The following TAF4B variants were observed in gnomAD, a reference collection of about 807,000 sequenced individuals.
The protein encoded by TAF4B is TATA-box binding protein associated factor 4b, also known as transcription initiation factor TFIID subunit 4B.
Under a neutral mutation model 86.4 loss-of-function variants are expected in TAF4B, and 38 were observed. The observed-to-expected ratio is 0.44, with a 90% CI of 0.34 to 0.58. The LOEUF is 0.58. Among genes scored for constraint, TAF4B ranks in the 20% least tolerant of loss-of-function variants. The probability of loss-of-function intolerance (pLI) is 0.02; values close to 1 mark genes in which losing one functional copy is unlikely to be tolerated. For missense variants in TAF4B, 988 were observed against 1,027.6 expected (o/e 0.96, Z 0.53); for synonymous variants, 388 against 391.2 (o/e 0.99, Z 0.10).
intron 12 of TAF4B, among the ~76,000 whole-genome samples, chr18:26,330,089 C>A (rs151166573): frequency 1.3e-5 from 2 of 152,166 alleles, no homozygotes; most frequent in Non-Finnish European, 2.9e-5. Context: ...TCCAATTCCT[C>A]ATCAAACCTC....
chr18:26,319,268 G>A (rs1257916973), intron 10 of TAF4B, among the ~76,000 whole-genome samples: 2 of 151,942 alleles, frequency 1.3e-5, no homozygotes, highest in Non-Finnish European at 2.9e-5. Flanking sequence ...GAGGCGGGCA[G>A]ATCACTTGAG....
In TAF4B at chr18:26,243,065, C is replaced by G. The variant is rs901773950; in HGVS notation, c.343+15789C>G. Among the ~76,000 whole-genome samples the G allele has an allele frequency of 7.9e-5, 12 of 152,050 alleles. 1 individual carries two copies. The highest frequency in any genetic ancestry group is 2.2e-4 in the African/African-American group (9 of 41,404). The stretch of plus-strand genomic sequence containing the variant: ...GTGAATCTGACAATTATGTGTCTTG[C>G]AGTTGCTCTTCTCGAGGAGTATCTT... On this transcript the variant is annotated intron_variant, in intron 1 of 14. Coordinates refer to ENST00000269142, the MANE Select transcript of TAF4B (RefSeq NM_005640.3).
At chr18:26,228,394 GA>G (rs2055612069) in intron 1 of TAF4B, among the ~76,000 whole-genome samples, 1 of 152,154 alleles carries the variant, frequency 6.6e-6, no homozygotes, top group African/African-American at 2.4e-5. Flanking sequence ...CACTTTTTAT[GA>G]AGTTCTGTTT....
intron 9 of TAF4B, chr18:26,304,774 C>T (rs2056777434): frequency 2.0e-6 from 2 of 985,202 alleles, no homozygotes; most frequent in Admixed American, 6.1e-5. Context: ...TTAACAGGTC[C>T]TGTGAACCAA....
intron 1 of TAF4B, among the ~76,000 whole-genome samples, chr18:26,244,072 C>T (rs1004973582): frequency 5.3e-5 from 8 of 152,204 alleles, no homozygotes; most frequent in East Asian, 3.9e-4. Flanking sequence ...TCTCAAACTC[C>T]GTGCTGGGAG....
chr18:26,254,785 C>T (rs1047184448), intron 1 of TAF4B, among the ~76,000 whole-genome samples: 7 of 152,112 alleles, frequency 4.6e-5, no homozygotes, highest in African/African-American at 1.2e-4. Context: ...AAATTAAAAT[C>T]TTTATCAAAT....
At chr18:26,369,841 C>G (rs1386949935) in intron 14 of TAF4B, among the ~76,000 whole-genome samples, 2 of 152,192 alleles carry the variant, frequency 1.3e-5, no homozygotes, top group African/African-American at 2.4e-5. Flanking sequence ...TAATACAGGG[C>G]TTTATACCAT....
chr18:26,302,680 G>C (rs1021446413), intron 9 of TAF4B, among the ~76,000 whole-genome samples: 1 of 151,770 alleles, frequency 6.6e-6, no homozygotes, highest in African/African-American at 2.4e-5. Context: ...ATATCTTTTT[G>C]TCTTCAGGAG....
intron 6 of TAF4B, among the ~76,000 whole-genome samples, chr18:26,284,335 T>C (rs1054611970): frequency 6.6e-6 from 1 of 152,230 alleles, no homozygotes; most frequent in Non-Finnish European, 1.5e-5. Flanking sequence ...TCAAACTTTC[T>C]CCATGTCAAC....
intron 13 of TAF4B, chr18:26,348,915 T>C (rs2057222145): frequency 6.6e-6 from 1 of 152,308 alleles, no homozygotes; most frequent in South Asian, 2.1e-4. Context: ...TAAGCATTAA[T>C]CTACCTCAGA....
In TAF4B at chr18:26,327,152, T is replaced by C. The variant is rs770353750; in HGVS notation, c.2259+12T>C. ...TTAAGGCAGCCAAGGTAAGGGCCAG[T>C]GTGATTTATGAGTGAATGTGGCCTG... is the stretch of plus-strand genomic sequence containing the variant. On this transcript the variant is annotated intron_variant, in intron 12 of 14. Coordinates refer to ENST00000269142, the MANE Select transcript of TAF4B (RefSeq NM_005640.3). 29 of 1,608,162 alleles carry C rather than the reference T, an allele frequency of 1.8e-5. No individual in the cohort carries two copies. The highest frequency in any genetic ancestry group is 2.2e-5 in the Non-Finnish European group (26 of 1,179,008).
At chr18:26,255,603 C>A (rs1405404739) in intron 1 of TAF4B, 79 of 486,134 alleles carry the variant, frequency 1.6e-4, no homozygotes, top group African/African-American at 7.2e-4. Flanking sequence ...ACTCTGTCTC[C>A]AAAAAAAAAA....
In TAF4B at chr18:26,286,336, G is replaced by A; in HGVS notation, c.1427G>A (p.Gly476Asp). ...GCAGTAACTTTTGGAGAAACTTCAG[G>A]TGCAGCTATTTGTCTTCCATCTGTG... ...LPAVTFGETS[G>D]AAICLPSVKP... Residue 476 changes from glycine (G) to aspartate (D), a missense_variant, in exon 7 of 15, where the codon GGT becomes GAT. Gly to Asp is a moderately conservative substitution (Grantham distance 94, BLOSUM62 -1). Coordinates refer to ENST00000269142, the MANE Select transcript of TAF4B (RefSeq NM_005640.3). 6.2e-7 allele frequency: 1 copy of A among 1,614,172 alleles called. No homozygotes were observed. The highest frequency in any genetic ancestry group is 8.5e-7 in the Non-Finnish European group (1 of 1,180,028).
In TAF4B at chr18:26,335,178, C is replaced by T. The variant is rs1458691093; in HGVS notation, c.2263C>T (p.Arg755Cys). The T allele has an allele frequency of 5.6e-6, 9 of 1,610,924 alleles. No homozygotes were observed. The Admixed American group carries it at 8.3e-5, about 15-fold the overall frequency. Reference protein sequence around the residue: ...REMLLKAAKSRSNKEDPEQLR... With the variant: ...REMLLKAAKSCSNKEDPEQLR... ...AAATTTTCTTTTCCTTTGATAGAGTCGTTCTAATAAAGAAGATCCAGAACA... is the reference window on the plus strand; with the variant it reads ...AAATTTTCTTTTCCTTTGATAGAGTTGTTCTAATAAAGAAGATCCAGAACA... Residue 755 changes from arginine (R) to cysteine (C), a missense_variant, in exon 13 of 15, where the codon CGT (arginine) becomes TGT (cysteine). This residue lies in a region of TAF4B where 216 missense variants were observed against 238.4 expected (regional missense o/e 0.91). Transcript: ENST00000269142.
chr18:26,357,358 A>G (rs1210260620), intron 13 of TAF4B, among the ~76,000 whole-genome samples: 1 of 152,188 alleles, frequency 6.6e-6, no homozygotes, highest in Non-Finnish European at 1.5e-5. Flanking sequence ...CTATAGTTTG[A>G]CCAATCTCTC....
At chr18:26,315,828 C>T (rs890140742) in intron 10 of TAF4B, among the ~76,000 whole-genome samples, 7 of 152,140 alleles carry the variant, frequency 4.6e-5, no homozygotes, top group Admixed American at 3.3e-4. Flanking sequence ...CCCATTCTTA[C>T]TTTAAAAAAC....
In TAF4B at chr18:26,335,210, A is replaced by T. The variant is rs1340203207; in HGVS notation, c.2295A>T (p.Arg765Ser). ...ATAAAGAAGATCCAGAACAGCTGAG[A>T]TTAAAGCAGAAAGCCAAAGAGGTAG... The part of the protein sequence containing the change: ...RSNKEDPEQL[R>S]LKQKAKELQQ... Residue 765 changes from arginine (R) to serine (S), a missense_variant, in exon 13 of 15, where the codon AGA (arginine) becomes AGT (serine). Around this residue, in one of 3 missense-constraint regions of TAF4B, gnomAD observed 216 missense variants for 238.4 expected, o/e 0.91. Coordinates refer to ENST00000269142, the MANE Select transcript of TAF4B (RefSeq NM_005640.3). The T allele has an allele frequency of 1.4e-5, 22 of 1,613,612 alleles. No individual in the cohort carries two copies. The highest frequency in any genetic ancestry group is 1.8e-5 in the Non-Finnish European group (21 of 1,179,752).
At chr18:26,259,686 A>T (rs1239558988) in intron 1 of TAF4B, among the ~76,000 whole-genome samples, 4 of 152,164 alleles carry the variant, frequency 2.6e-5, no homozygotes, top group Non-Finnish European at 2.9e-5. Flanking sequence ...TCTATCATTG[A>T]TGGACATTTG....
At chr18:26,389,031 C>G (rs1477272109) in intron 14 of TAF4B, among the ~76,000 whole-genome samples, 1 of 151,998 alleles carries the variant, frequency 6.6e-6, no homozygotes, top group East Asian at 1.9e-4. Context: ...AGGCTGGTCT[C>G]AAACTCCTGA....
Sources: gnomAD v4.1 joint callset for allele counts (sites outside exome capture counted in the v4.1 genomes callset) on GRCh38, gnomAD v4.1.1 for gene constraint, gnomAD v4.1.1 regional missense constraint, MANE v1.5 for transcripts, NCBI Gene and HGNC (gene_info 2026-07-23, HGNC 2026-07-21) for gene names.